The following SLC43A3 variants were observed in gnomAD, a reference collection of about 807,000 sequenced individuals.
SLC43A3 encodes the protein equilibrative nucleobase transporter 1.
SLC43A3 carries 33 observed loss-of-function variants against 53.3 expected under a neutral mutation model. The observed-to-expected ratio is 0.62, with a 90% CI of 0.47 to 0.83. SLC43A3 has a LOEUF of 0.83. Ranked by LOEUF, SLC43A3 falls within the 40% of genes least tolerant of loss-of-function variation. SLC43A3 has a pLI of 0.00. For synonymous variants in SLC43A3, 236 were observed against 246.2 expected (o/e 0.96, Z 0.39); for missense variants, 530 against 610.0 (o/e 0.87, Z 1.38).
chr11:57,426,830 A>G (rs1943216035), intron 1 of SLC43A3, 178 bp from the exon 2 acceptor site: 1 of 152,302 alleles, frequency 6.6e-6, no homozygotes, highest in Non-Finnish European at 1.5e-5. Flanking sequence ...GACGCAGGCC[A>G]TTCTACTGCC....
Position 57,421,304 on chromosome 11 carries a change from T to C in SLC43A3, c.431A>G (p.Asn144Ser), listed in dbSNP as rs781772697. The C allele has an allele frequency of 5.0e-6, 8 of 1,612,738 alleles. No homozygotes were observed. The highest frequency in any genetic ancestry group is 1.3e-5 in the African/African-American group (1 of 74,914). ...TIGGILFLITNLQIGNLFGQH... is the reference protein window; with the variant it reads ...TIGGILFLITSLQIGNLFGQH... ...ATTAGGGAAGGCTCCCACCTGCAGG[T>C]TGGTGATGAGAAACAGGATTCCCCC... The change falls in exon 6 of 14, where the codon AAC becomes AGC. Residue 144 changes from asparagine (N) to serine (S), a missense_variant. Physicochemically the swap from Asn to Ser is conservative, Grantham distance 46 (BLOSUM62 1). Around this residue, in one of 3 missense-constraint regions of SLC43A3, gnomAD observed 376 missense variants for 386.7 expected, o/e 0.97. Coordinates refer to ENST00000395124, the MANE Select transcript of SLC43A3 (RefSeq NM_199329.3).
intron 11 of SLC43A3, among the ~76,000 whole-genome samples, chr11:57,412,829 A>C (rs1942541199): frequency 6.6e-6 from 1 of 152,040 alleles, no homozygotes; most frequent in Non-Finnish European, 1.5e-5. Context: ...AAGAAAGAAA[A>C]GAAAATCATC....
At position 57,425,521 on chromosome 11, in the gene SLC43A3, G is replaced by A; in HGVS notation, c.314+20C>T. On this transcript the variant is annotated intron_variant, in intron 4 of 13. Transcript: ENST00000395124. ...GATTCCTCTTACCCACCTTTGCCTG[G>A]GCTGGCCTTTGGGACTTACATGGCT... 1.2e-6 allele frequency: 2 copies of A among 1,610,394 alleles called. No individual in the cohort carries two copies. Among genetic ancestry groups the A allele is most frequent in the Non-Finnish European group, 1.7e-6 (2 of 1,177,464 alleles).
At chr11:57,415,293 C>G in intron 9 of SLC43A3, 187 bp from the exon 10 acceptor site, 1 of 1,529,208 alleles carries the variant, frequency 6.5e-7, no homozygotes, top group South Asian at 1.2e-5. Flanking sequence ...CTTTGTCATG[C>G]TGGCCCTACC....
intron 4 of SLC43A3, 33 bp from the exon 5 acceptor site, chr11:57,424,061 T>A (rs748997144): frequency 1.1e-5 from 17 of 1,607,416 alleles, no homozygotes; most frequent in Non-Finnish European, 1.4e-5. Flanking sequence ...CAGAATATTG[T>A]CAAGGAGGGA....
intron 9 of SLC43A3, 132 bp from the exon 10 acceptor site, chr11:57,415,238 GC>G (rs1942664489): frequency 6.5e-7 from 1 of 1,539,634 alleles, no homozygotes; most frequent in Non-Finnish European, 8.7e-7. Flanking sequence ...AACTCACCCG[GC>G]GTGCTCTGCA....
chr11:57,410,924 C>T (rs998420665), intron 11 of SLC43A3, among the ~76,000 whole-genome samples: 2 of 152,250 alleles, frequency 1.3e-5, no homozygotes, highest in African/African-American at 4.8e-5. Context: ...CTTGCCACCA[C>T]CGTGTAAGAA....
At chr11:57,408,025 C>A in intron 13 of SLC43A3, 129 bp from the exon 14 acceptor site, 1 of 633,214 alleles carries the variant, frequency 1.6e-6, no homozygotes. Flanking sequence ...TTATATTCTA[C>A]TTTTCACCCA....
chr11:57,416,638 T>C lies in SLC43A3; in HGVS notation c.704A>G (p.Glu235Gly). ...GTTTTCATGCTCAGCTGTTTCCTTC[T>C]CTTCCTTTGTGGTGCCATTCCCAGG... ...LCPGNGTTKE[E>G]KETAEHENRE... is the part of the protein sequence containing the mutation. The change falls in exon 9 of 14, where the codon GAG becomes GGG. Residue 235 changes from glutamate (E) to glycine (G), a missense_variant. By Grantham distance (98) the Glu-to-Gly change is moderately conservative. Around this residue, in one of 3 missense-constraint regions of SLC43A3, gnomAD observed 376 missense variants for 386.7 expected, o/e 0.97. Transcript: ENST00000395124. The C allele has an allele frequency of 1.9e-6, 3 of 1,614,132 alleles. No individual in the cohort carries two copies. Among genetic ancestry groups the C allele is most frequent in the Non-Finnish European group, 1.7e-6 (2 of 1,180,024 alleles).
At chr11:57,424,685 A>G (rs1943133849) in intron 4 of SLC43A3, among the ~76,000 whole-genome samples, 1 of 152,038 alleles carries the variant, frequency 6.6e-6, no homozygotes, top group Non-Finnish European at 1.5e-5. Context: ...AAGGGGAGGT[A>G]GCAGGGAGCC....
rs1028334278 is a variant in SLC43A3 at position 57,408,129 on chromosome 11, A to G, written c.1372-233T>C. On this transcript the variant is annotated intron_variant, in intron 13 of 13. Coordinates refer to ENST00000395124, the MANE Select transcript of SLC43A3 (RefSeq NM_199329.3). Reference sequence around the variant, plus strand: ...GAGGAATATCAAGCCCATTTCACAGATAAAGAAACAGAGGCCTAGCGAGCA... The same window carrying G: ...GAGGAATATCAAGCCCATTTCACAGGTAAAGAAACAGAGGCCTAGCGAGCA... The G allele has an allele frequency of 2.9e-5, 13 of 446,264 alleles. No individual in the cohort carries two copies. In the South Asian group the frequency reaches 3.8e-4, roughly 13 times the overall value. The allele number at this position is 446,264 out of a possible 1,614,324, so 27.6% of individuals were successfully genotyped here.
At chr11:57,412,507 G>A (rs1370047972) in intron 11 of SLC43A3, among the ~76,000 whole-genome samples, 2 of 152,146 alleles carry the variant, frequency 1.3e-5, no homozygotes, top group African/African-American at 4.8e-5. Flanking sequence ...GTGATTAAAA[G>A]TAGAAGATAG....
At chr11:57,425,905 G>T in intron 3 of SLC43A3, 84 bp downstream of exon 3, 1 of 1,420,636 alleles carries the variant, frequency 7.0e-7, no homozygotes, top group South Asian at 1.3e-5. Flanking sequence ...AAGAGGGGTG[G>T]GCAGGGGGCA....
intron 4 of SLC43A3, among the ~76,000 whole-genome samples, chr11:57,424,959 C>T (rs373528914): frequency 3.9e-5 from 6 of 152,224 alleles, no homozygotes; most frequent in Admixed American, 2.6e-4. Flanking sequence ...GATCACGTCC[C>T]GAACCTTCTG....
chr11:57,408,194 G>T, intron 13 of SLC43A3: 1 of 296,600 alleles, frequency 3.4e-6, no homozygotes, highest in Non-Finnish European at 6.4e-6. Flanking sequence ...AGCTGGTAGA[G>T]GCACCAGCTA....
At position 57,407,840 on chromosome 11, in the gene SLC43A3, T is replaced by C. The variant is rs1346139621; in HGVS notation, c.1428A>G (p.Val476=). 6.2e-7 allele frequency: 1 copy of C among 1,613,624 alleles called. No homozygotes were observed. Among genetic ancestry groups the C allele is most frequent in the Non-Finnish European group, 8.5e-7 (1 of 1,179,672 alleles). The change falls in exon 14 of 14, where the codon GTA becomes GTG. Residue 476 remains valine (V), a synonymous_variant. Transcript: ENST00000395124. ...CTTTCCAAGTACGGCATTCCCGATA[T>C]ACCAGAAAGGGGTGGAAGAATGTCA... The part of the protein sequence containing the change: ...ILLTFFHPFL[V]YRECRTWKES...
In SLC43A3 at chr11:57,407,342, AGGC is replaced by A. The variant is rs1222660663; in HGVS notation, c.*447_*449del. 1.2e-5 allele frequency: 2 copies of A among 160,048 alleles called. No homozygotes were observed. The highest frequency in any genetic ancestry group is 2.4e-5 in the African/African-American group (1 of 41,568). 9.9% of individuals were successfully genotyped at this position (160,048 alleles called of 1,614,324 possible). On this transcript the variant is annotated 3_prime_UTR_variant, in exon 14 of 14. Transcript: ENST00000395124. ...CCCAGAGCTGTGAGTTCTCTAGCCA[AGGC>A]TGCACTCTTGAGGGAGAGCCAGGAA...
At chr11:57,417,651 G>C (rs1565098768) in intron 8 of SLC43A3, 97 bp downstream of exon 8, 1 of 1,408,870 alleles carries the variant, frequency 7.1e-7, no homozygotes, top group Non-Finnish European at 9.8e-7. Context: ...CACTGCTCCA[G>C]TCCTCCTCCT....
rs559072244 is a variant in SLC43A3 at position 57,416,023 on chromosome 11, G to A, written c.769+550C>T. On this transcript the variant is annotated intron_variant, in intron 9 of 13. Coordinates refer to ENST00000395124, the MANE Select transcript of SLC43A3 (RefSeq NM_199329.3). ...TGCAGTTTGATGACCTACAGTCTTC[G>A]TGCTGTGCATTAGATCTCTAGGCCT... Among the ~76,000 whole-genome samples, 16 of 152,256 alleles carry A rather than the reference G, an allele frequency of 1.1e-4. 1 individual carries two copies. In the South Asian group the frequency reaches 2.9e-3, roughly 28 times the overall value.
Sources: gnomAD v4.1 joint callset for allele counts (sites outside exome capture counted in the v4.1 genomes callset) on GRCh38, gnomAD v4.1.1 for gene constraint, gnomAD v4.1.1 regional missense constraint, MANE v1.5 for transcripts, NCBI Gene and HGNC (gene_info 2026-07-23, HGNC 2026-07-21) for gene names.